Variants in PTCHD4 observed in about 807,000 individuals in gnomAD.
PTCHD4 encodes the protein patched domain containing 4.
In PTCHD4, 33 loss-of-function variants were observed where a neutral mutation model predicts 58.1. That is an observed-to-expected ratio of 0.57 (90% CI 0.43 to 0.76). PTCHD4 has a LOEUF of 0.76. PTCHD4 is among the 30% of genes least tolerant of loss of function. The pLI is 0.00. For missense variants in PTCHD4, 1,058 were observed against 1,027.1 expected, an observed-to-expected ratio of 1.03 and a Z score of -0.41; for synonymous variants, 478 against 409.6, an observed-to-expected ratio of 1.17 and a Z score of -2.02.
At chr6:47,966,318 G>A (rs988152205) in intron 4 of PTCHD4, among the ~76,000 whole-genome samples, 1 of 151,938 alleles carries the variant, frequency 6.6e-6, no homozygotes, top group Non-Finnish European at 1.5e-5. Context: ...GTATGCAATA[G>A]CATTATGTCT....
At chr6:48,008,578 A>G in intron 4 of PTCHD4, 56 bp downstream of exon 4, 3 of 1,551,164 alleles carry the variant, frequency 1.9e-6, no homozygotes, top group Non-Finnish European at 2.6e-6. Context: ...TTCAAGAAAT[A>G]TACTACCTTG....
At chr6:48,046,249 T>G (rs1036108711) in intron 3 of PTCHD4, among the ~76,000 whole-genome samples, 1 of 151,850 alleles carries the variant, frequency 6.6e-6, no homozygotes, top group Non-Finnish European at 1.5e-5. Flanking sequence ...TCCCAGACAT[T>G]TGCCCACATT....
At chr6:48,059,730 A>G (rs1764550657) in intron 3 of PTCHD4, among the ~76,000 whole-genome samples, 1 of 152,134 alleles carries the variant, frequency 6.6e-6, no homozygotes. Flanking sequence ...ACAAACCCTG[A>G]CCTATGCTGA....
At chr6:48,057,190 G>GTTTTTTTTTTT (rs759146154) in intron 3 of PTCHD4, among the ~76,000 whole-genome samples, 1 of 143,908 alleles carries the variant, frequency 6.9e-6, no homozygotes, top group African/African-American at 2.6e-5. Context: ...GTTTTTTTTT[G>GTTTTTTTTTTT]TTTTTTTTGT....
chr6:48,065,649 C>T (rs1764768963), intron 3 of PTCHD4, among the ~76,000 whole-genome samples: 1 of 152,140 alleles, frequency 6.6e-6, no homozygotes, highest in African/African-American at 2.4e-5. Context: ...ATCCATGGTA[C>T]TCCTAAGATT....
intron 4 of PTCHD4, among the ~76,000 whole-genome samples, chr6:47,905,995 T>C (rs886939807): frequency 2.0e-5 from 3 of 152,226 alleles, no homozygotes; most frequent in Non-Finnish European, 4.4e-5. Context: ...GGCCCATCAA[T>C]TTTCCTTCTA....
At chr6:47,954,084 C>T (rs1018804264) in intron 4 of PTCHD4, among the ~76,000 whole-genome samples, 3 of 152,026 alleles carry the variant, frequency 2.0e-5, no homozygotes, top group Non-Finnish European at 2.9e-5. Flanking sequence ...TAGGTCAGTG[C>T]GGTGGCTCAC....
chr6:47,952,537 T>C (rs937885134), intron 4 of PTCHD4, among the ~76,000 whole-genome samples: 7 of 152,136 alleles, frequency 4.6e-5, no homozygotes, highest in Non-Finnish European at 8.8e-5. Context: ...AATCATGTGC[T>C]GCATAACAAC....
chr6:47,944,227 G>C (rs1362140260), intron 4 of PTCHD4, among the ~76,000 whole-genome samples: 9 of 152,056 alleles, frequency 5.9e-5, no homozygotes, highest in Non-Finnish European at 1.3e-4. Flanking sequence ...GAAAGATTGA[G>C]ACTAACCTGC....
chr6:48,048,913 C>T (rs1309542382), intron 3 of PTCHD4, among the ~76,000 whole-genome samples: 3 of 151,962 alleles, frequency 2.0e-5, no homozygotes, highest in Admixed American at 2.0e-4. Context: ...AGAGTAGAGT[C>T]TGGCTTCCTG....
rs577669090 is a variant in PTCHD4, at chr6:47,870,769, G to A, written c.*7534C>T. On this transcript the variant is annotated 3_prime_UTR_variant, in exon 5 of 5. Coordinates refer to ENST00000339488, the MANE Select transcript of PTCHD4 (RefSeq NM_001384253.1). ...GATTTGACATTTTTGTTCACAATTC[G>A]TTTTTAAGCTTTCCTCAGTAAGGTA... Among the ~76,000 whole-genome samples the A allele has an allele frequency of 2.0e-5, 3 of 151,470 alleles. No homozygotes were observed. Among genetic ancestry groups the A allele is most frequent in the Non-Finnish European group, 3.0e-5 (2 of 67,668 alleles).
At chr6:48,057,454 A>G (rs603167) in intron 3 of PTCHD4, among the ~76,000 whole-genome samples, 20,426 of 152,156 alleles carry the variant, frequency 0.13, 1,346 homozygotes, top group Admixed American at 0.18. Context: ...AGTTCATTAG[A>G]CACATACACT....
At chr6:47,908,112 C>G (rs1231293901) in intron 4 of PTCHD4, among the ~76,000 whole-genome samples, 1 of 152,036 alleles carries the variant, frequency 6.6e-6, no homozygotes, top group Non-Finnish European at 1.5e-5. Flanking sequence ...ACAAAGCAGA[C>G]CCAAAAAGCA....
chr6:47,878,934 C>G lies in PTCHD4; in HGVS notation c.1901G>C (p.Ser634Thr). The part of the protein sequence containing the change: ...EKLRPLSLSK[S>T]IRFIVFNPSF... ...GGGGTTGAACACGATGAATCGGATG[C>G]TCTTTGAGAGGGATAGGGGCCTCAG... Residue 634 changes from serine to threonine, a missense_variant, in exon 5 of 5, where the codon AGC becomes ACC. Transcript: ENST00000339488. The G allele has an allele frequency of 5.6e-6, 9 of 1,613,206 alleles. No homozygotes were observed. The highest frequency in any genetic ancestry group is 7.6e-6 in the Non-Finnish European group (9 of 1,179,740).
At chr6:48,023,693 C>T (rs941708859) in intron 3 of PTCHD4, among the ~76,000 whole-genome samples, 3 of 152,170 alleles carry the variant, frequency 2.0e-5, no homozygotes, top group African/African-American at 4.8e-5. Context: ...AGGGCCTAGT[C>T]TCAGCAGCTC....
chr6:47,933,750 A>G (rs535194888), intron 4 of PTCHD4, among the ~76,000 whole-genome samples: 1 of 152,310 alleles, frequency 6.6e-6, no homozygotes, highest in Admixed American at 6.5e-5. Context: ...TTCATTTATG[A>G]TAGAAAAATG....
chr6:48,062,055 A>T (rs1479762100), intron 3 of PTCHD4, among the ~76,000 whole-genome samples: 1 of 152,250 alleles, frequency 6.6e-6, no homozygotes, highest in African/African-American at 2.4e-5. Flanking sequence ...CAATTCTAGA[A>T]CAGAATTAAA....
rs1278477804 is a variant in PTCHD4, at chr6:47,872,025, A to C, written c.*6278T>G. Reference sequence around the variant, plus strand: ...AGGAGATGCAAGAATATGACGGCTTATTCTTTTTTTTTTTTCCCCAGCTCT... The same window carrying C: ...AGGAGATGCAAGAATATGACGGCTTCTTCTTTTTTTTTTTTCCCCAGCTCT... On this transcript the variant is annotated 3_prime_UTR_variant, in exon 5 of 5. Transcript: ENST00000339488. Among the ~76,000 whole-genome samples, 1 of 151,116 alleles carries C rather than the reference A, an allele frequency of 6.6e-6. No homozygotes were observed. The highest frequency in any genetic ancestry group is 2.4e-5 in the African/African-American group (1 of 41,218).
intron 4 of PTCHD4, among the ~76,000 whole-genome samples, chr6:47,980,485 T>C (rs920140906): frequency 1.3e-5 from 2 of 152,080 alleles, no homozygotes; most frequent in African/African-American, 2.4e-5. Context: ...TATCCTTCCA[T>C]AGATTTTCAA....
Sources: gnomAD v4.1 joint callset for allele counts (sites outside exome capture counted in the v4.1 genomes callset) on GRCh38, gnomAD v4.1.1 for gene constraint, MANE v1.5 for transcripts, NCBI Gene and HGNC (gene_info 2026-07-23, HGNC 2026-07-21) for gene names.